DNAH1: variants seen among roughly 807,000 people sequenced by gnomAD.
The protein encoded by DNAH1 is dynein axonemal heavy chain 1.
A neutral mutation model predicts 484.3 loss-of-function variants in DNAH1; 327 were observed. The observed-to-expected ratio is 0.68, with a 90% confidence interval of 0.62 to 0.74. DNAH1 has a LOEUF of 0.74. DNAH1 is among the 30% of genes least tolerant of loss of function. The pLI is 0.00. For missense variants in DNAH1, 5,052 were observed against 5,546.8 expected (o/e 0.91, Z 2.83); for synonymous variants, 2,192 against 2,191.9 (o/e 1.00, Z 0.00).
At position 52,360,560 on chromosome 3, in the gene DNAH1, T is replaced by G. The variant is rs2153224340; in HGVS notation, c.4685+136T>G. On this transcript the variant is annotated intron_variant, in intron 28 of 77. Transcript: ENST00000420323. ...AGTACAGGGTTAGGACCAAGGGCTT[T>G]GGGCTCAGACCTCAGTTCTGCCCAT... 3 of 700,204 alleles carry G rather than the reference T, an allele frequency of 4.3e-6. No homozygotes were observed. The East Asian group carries it at 8.3e-5, about 19-fold the overall frequency. The allele number at this position is 700,204 out of a possible 1,614,324, so 43.4% of individuals were successfully genotyped here.
rs2153225884 is a variant in DNAH1, at chr3:52,399,034, G to A, written c.12274G>A (p.Asp4092Asn). 1 of 1,614,054 alleles carries A rather than the reference G, an allele frequency of 6.2e-7. No individual in the cohort carries two copies. The highest frequency in any genetic ancestry group is 2.2e-5 in the East Asian group (1 of 44,890). The change falls in exon 76 of 78, where the codon GAC becomes AAC. Residue 4092 changes from aspartate (D) to asparagine (N), a missense_variant. Transcript: ENST00000420323. ...CAAGCCTCTGTCATCATGGGTCATGGACCTGCTGCAACGCCTGGACTTTCT... is the reference window on the plus strand; with the variant it reads ...CAAGCCTCTGTCATCATGGGTCATGAACCTGCTGCAACGCCTGGACTTTCT... ...SLKPLSSWVM[D>N]LLQRLDFLQA...
chr3:52,351,982 CT>C lies in DNAH1; in HGVS notation c.2752del (p.Ser918LeufsTer7). 1 of 1,602,394 alleles carries C rather than the reference CT, an allele frequency of 6.2e-7. No individual in the cohort carries two copies. The highest frequency in any genetic ancestry group is 8.5e-7 in the Non-Finnish European group (1 of 1,174,786). On this transcript the variant is annotated frameshift_variant, in exon 17 of 78. Transcript: ENST00000420323. LOFTEE classifies it high-confidence loss of function. ...FNDKWIASNWPSKILGQIELV... is the reference protein window; with the variant it reads ...FNDKWIASNWXSKILGQIELV... Reference sequence around the variant, plus strand: ...GCCAGATGGATTGCCAGCAACTGGCCTTCTAAGATCCTTGGGCAGATAGAGC... The same window carrying C: ...GCCAGATGGATTGCCAGCAACTGGCCTCTAAGATCCTTGGGCAGATAGAGC...
intron 1 of DNAH1, among the ~76,000 whole-genome samples, chr3:52,316,749 T>A (rs933238998): frequency 1.3e-5 from 2 of 152,214 alleles, no homozygotes; most frequent in South Asian, 2.1e-4. Flanking sequence ...AGACACTTAG[T>A]GCCCAGCAAC....
At chr3:52,345,083 G>A (rs1182694819) in intron 9 of DNAH1, among the ~76,000 whole-genome samples, 1 of 152,210 alleles carries the variant, frequency 6.6e-6, no homozygotes, top group Non-Finnish European at 1.5e-5. Flanking sequence ...TGCATGTCAT[G>A]TACTCCGGAT....
intron 50 of DNAH1, 72 bp from the exon 51 acceptor site, chr3:52,383,313 AG>A: frequency 7.4e-7 from 1 of 1,352,400 alleles, no homozygotes. Flanking sequence ...GCTGTTGTGA[AG>A]GTCCAGCGAG....
In DNAH1 at chr3:52,368,946, C is replaced by T; in HGVS notation, c.5943+28C>T. On this transcript the variant is annotated intron_variant, in intron 37 of 77. Coordinates refer to ENST00000420323, the MANE Select transcript of DNAH1 (RefSeq NM_015512.5). This position sits in a 1 kb window ranked among gnomAD's most constrained non-coding sequence, Gnocchi z 4.4. The stretch of plus-strand genomic sequence containing the variant: ...GCACCTACCTGTCCACCTGCCCACT[C>T]TCCTCCAAGGCTGGGTGGGCCTGGA... 6.2e-7 allele frequency: 1 copy of T among 1,605,778 alleles called. No individual in the cohort carries two copies. The highest frequency in any genetic ancestry group is 8.5e-7 in the Non-Finnish European group (1 of 1,173,204).
At position 52,361,110 on chromosome 3, in the gene DNAH1, G is replaced by C; in HGVS notation, c.4686-54G>C. The C allele has an allele frequency of 4.3e-6, 6 of 1,398,116 alleles. No individual in the cohort carries two copies. The highest frequency in any genetic ancestry group is 9.3e-7 in the Non-Finnish European group (1 of 1,069,898). 86.6% of individuals were successfully genotyped at this position (1,398,116 alleles called of 1,614,324 possible). The stretch of plus-strand genomic sequence containing the variant: ...CAGTCCACAGGAAATTCCAAGGAAA[G>C]GGGGAGTGTCCAGGCCATGTGCGGC... On this transcript the variant is annotated intron_variant, in intron 28 of 77. Coordinates refer to ENST00000420323, the MANE Select transcript of DNAH1 (RefSeq NM_015512.5). This position sits in a 1 kb window ranked among gnomAD's most constrained non-coding sequence, Gnocchi z 5.6.
rs1014721481 is a variant in DNAH1, at chr3:52,352,781, G to T, written c.3027+74G>T. ...GCAGCTCATGTAGATGCAGCTGCCAGGAGGCAGGGCTCTGGCATTTGGGGG... is the reference window on the plus strand; with the variant it reads ...GCAGCTCATGTAGATGCAGCTGCCATGAGGCAGGGCTCTGGCATTTGGGGG... On this transcript the variant is annotated intron_variant, in intron 18 of 77. Coordinates refer to ENST00000420323, the MANE Select transcript of DNAH1 (RefSeq NM_015512.5). 5 of 1,525,248 alleles carry T rather than the reference G, an allele frequency of 3.3e-6. No individual in the cohort carries two copies. The African/African-American group carries it at 6.9e-5, about 21-fold the overall frequency. 94.5% of individuals were successfully genotyped at this position (1,525,248 alleles called of 1,614,324 possible). A position where few individuals can be genotyped will look rare whatever the true frequency, so the allele number is the denominator to read the frequency against.
At position 52,355,165 on chromosome 3, in the gene DNAH1, C is replaced by A; in HGVS notation, c.3693+110C>A. 9.2e-7 allele frequency: 1 copy of A among 1,091,740 alleles called. No homozygotes were observed. The highest frequency in any genetic ancestry group is 1.3e-6 in the Non-Finnish European group (1 of 745,308). The allele number at this position is 1,091,740 out of a possible 1,614,324, so 67.6% of individuals were successfully genotyped here. On this transcript the variant is annotated intron_variant, in intron 21 of 77. Coordinates refer to ENST00000420323, the MANE Select transcript of DNAH1 (RefSeq NM_015512.5). The surrounding 1 kb of genome is among the most constrained non-coding windows in gnomAD (Gnocchi z 4.5). ...GGGTTCAAAGCATCGCAGTGCCTTG[C>A]CCTCATTCACACAGCCCCTGGCTCT...
chr3:52,338,505 A>G (rs185267924), intron 8 of DNAH1, among the ~76,000 whole-genome samples: 1 of 152,268 alleles, frequency 6.6e-6, no homozygotes, highest in South Asian at 2.1e-4. Flanking sequence ...TATTAAACGT[A>G]TCAATATTTT....
intron 41 of DNAH1, 132 bp downstream of exon 41, chr3:52,370,957 A>C (rs1224620042): frequency 1.2e-6 from 1 of 827,950 alleles, no homozygotes; most frequent in East Asian, 2.7e-5. Context: ...GGTTATTTGC[A>C]TCATCTCATG....
At chr3:52,378,264 G>T (rs1703689595) in intron 46 of DNAH1, among the ~76,000 whole-genome samples, 1 of 151,820 alleles carries the variant, frequency 6.6e-6, no homozygotes, top group Non-Finnish European at 1.5e-5. Context: ...GCTCAGAGGT[G>T]GAATGTTCAG....
chr3:52,397,733 C>T lies in DNAH1; in HGVS notation c.11814C>T (p.Leu3938=). The change falls in exon 74 of 78, where the codon CTC becomes CTT. Residue 3938 remains leucine (L), a synonymous_variant. Transcript: ENST00000420323. Reference sequence around the variant, plus strand: ...GCTACCTCTCCTACATCAAGAGCCTCCCACTCAATGATATGCCTGAGATCT... The same window carrying T: ...GCTACCTCTCCTACATCAAGAGCCTTCCACTCAATGATATGCCTGAGATCT... ...LHGYLSYIKS[L]PLNDMPEIFG... is the part of the protein sequence containing the mutation. 1 of 1,612,598 alleles carries T rather than the reference C, an allele frequency of 6.2e-7. No homozygotes were observed. Among genetic ancestry groups the T allele is most frequent in the Non-Finnish European group, 8.5e-7 (1 of 1,179,090 alleles).
chr3:52,399,243 T>C (rs1189348320), intron 76 of DNAH1, 42 bp downstream of exon 76: 1 of 1,554,242 alleles, frequency 6.4e-7, no homozygotes, highest in East Asian at 2.2e-5. Context: ...CAGGCTAGGG[T>C]ACAGCCCAGG....
intron 34 of DNAH1, 24 bp downstream of exon 34, chr3:52,365,043 C>T (rs377380778): frequency 9.6e-5 from 153 of 1,590,084 alleles, no homozygotes; most frequent in South Asian, 8.5e-4. Flanking sequence ...CCTGAGTGTT[C>T]GTGGAGGGGC....
intron 9 of DNAH1, among the ~76,000 whole-genome samples, chr3:52,344,893 A>G (rs749918580): frequency 6.6e-6 from 1 of 152,228 alleles, no homozygotes; most frequent in African/African-American, 2.4e-5. Flanking sequence ...TGCAAGGTGA[A>G]TGTGTACTAG....
Position 52,347,961 on chromosome 3 carries a change from C to G in DNAH1, c.2093C>G (p.Pro698Arg). 1 of 1,609,334 alleles carries G rather than the reference C, an allele frequency of 6.2e-7. No individual in the cohort carries two copies. Among genetic ancestry groups the G allele is most frequent in the Non-Finnish European group, 8.5e-7 (1 of 1,177,960 alleles). ...GGCATCCTGGCCACCCATGCCGTGC[C>G]CCAGCTGGAGAAGGTACGTGCTGCA... Reference protein sequence around the residue: ...DKGILATHAVPQLEKLVMEDI... With the variant: ...DKGILATHAVRQLEKLVMEDI... The change falls in exon 12 of 78, where the codon CCC becomes CGC. Residue 698 changes from proline to arginine, a missense_variant. By Grantham distance (103) the Pro-to-Arg change is moderately radical. This residue lies in a region of DNAH1 where 1,263 missense variants were observed against 1,218.8 expected (regional missense o/e 1.04). Transcript: ENST00000420323.
chr3:52,385,134 G>T (rs1383016617), intron 53 of DNAH1, among the ~76,000 whole-genome samples, 157 bp downstream of exon 53: 1 of 152,348 alleles, frequency 6.6e-6, no homozygotes, highest in Admixed American at 6.5e-5. Context: ...AACAAAAGTT[G>T]CCAGTCAAGG....
At chr3:52,342,183 TGAG>T (rs1375057678) in intron 8 of DNAH1, among the ~76,000 whole-genome samples, 1 of 152,074 alleles carries the variant, frequency 6.6e-6, no homozygotes, top group South Asian at 2.1e-4. Flanking sequence ...TTGTGGTACT[TGAG>T]GAGCAGGGCA....
Sources: gnomAD v4.1 joint callset for allele counts (sites outside exome capture counted in the v4.1 genomes callset) on GRCh38, gnomAD v4.1.1 for gene constraint, gnomAD v4.1.1 regional missense constraint, Gnocchi (gnomAD v3.1) non-coding constraint, MANE v1.5 for transcripts, NCBI Gene and HGNC (gene_info 2026-07-23, HGNC 2026-07-21) for gene names.